RIMS2: variants seen among roughly 807,000 people sequenced by gnomAD.
The protein encoded by RIMS2 is regulating synaptic membrane exocytosis protein 2.
Under a neutral mutation model 174.4 loss-of-function variants are expected in RIMS2, and 59 were observed. That is an observed-to-expected ratio of 0.34 (90% CI 0.27 to 0.42). The LOEUF (loss-of-function observed/expected upper bound fraction) is 0.42, where lower values mean the gene tolerates loss of function less well. RIMS2 is among the 10% of genes least tolerant of loss of function. RIMS2 has a pLI of 1.00. For missense variants in RIMS2, 1,620 were observed against 1,666.3 expected, an observed-to-expected ratio of 0.97 and a Z score of 0.48; for synonymous variants, 606 against 572.5, an observed-to-expected ratio of 1.06 and a Z score of -0.84.
chr8:104,078,561 G>A (rs557630926), intron 19 of RIMS2, among the ~76,000 whole-genome samples: 3 of 152,146 alleles, frequency 2.0e-5, no homozygotes. Context: ...CTCTTGAAAA[G>A]CTCTAGCGTC....
intron 19 of RIMS2, among the ~76,000 whole-genome samples, chr8:104,177,434 G>A (rs1373683697): frequency 1.3e-5 from 2 of 152,020 alleles, no homozygotes; most frequent in Non-Finnish European, 2.9e-5. Context: ...ACTGAACTGA[G>A]CTGACTGCTT....
intron 19 of RIMS2, among the ~76,000 whole-genome samples, chr8:104,120,625 C>T (rs1216452758): frequency 6.6e-6 from 1 of 152,036 alleles, no homozygotes; most frequent in Non-Finnish European, 1.5e-5. Context: ...TTATAATACA[C>T]AGTGTATGAT....
intron 19 of RIMS2, among the ~76,000 whole-genome samples, chr8:104,168,253 G>A (rs1025615261): frequency 2.0e-5 from 3 of 152,052 alleles, no homozygotes; most frequent in African/African-American, 7.2e-5. Flanking sequence ...ATTGCTTTGG[G>A]CAGTATGGTC....
intron 19 of RIMS2, among the ~76,000 whole-genome samples, chr8:104,181,499 G>A (rs1272720989): frequency 6.6e-6 from 1 of 151,434 alleles, no homozygotes; most frequent in East Asian, 1.9e-4. Context: ...TTCATATTAT[G>A]TATCCCAAAC....
At chr8:103,972,657 G>T (rs186283075) in intron 15 of RIMS2, among the ~76,000 whole-genome samples, 1 of 152,062 alleles carries the variant, frequency 6.6e-6, no homozygotes, top group African/African-American at 2.4e-5. Flanking sequence ...CATGTGAGAC[G>T]CACTGCTACC....
intron 19 of RIMS2, among the ~76,000 whole-genome samples, chr8:104,084,394 C>T (rs912241245): frequency 2.4e-4 from 35 of 143,716 alleles, no homozygotes; most frequent in African/African-American, 9.1e-4. Flanking sequence ...GTCGAGATCG[C>T]GCCACTGCAC....
At chr8:103,667,420 C>A (rs532606030) in intron 1 of RIMS2, among the ~76,000 whole-genome samples, 1 of 152,126 alleles carries the variant, frequency 6.6e-6, no homozygotes, top group African/African-American at 2.4e-5. Context: ...AAAAAGAGAC[C>A]GCCCATCTGG....
intron 16 of RIMS2, chr8:103,977,015 T>C (rs1166302121): frequency 6.6e-6 from 1 of 152,196 alleles, no homozygotes; most frequent in African/African-American, 2.4e-5. Flanking sequence ...TTGTACATAC[T>C]TGGAATGTTT....
chr8:103,958,131 A>G (rs530144551), intron 14 of RIMS2, among the ~76,000 whole-genome samples: 1 of 152,350 alleles, frequency 6.6e-6, no homozygotes, highest in East Asian at 1.9e-4. Context: ...TATTCGCAAT[A>G]GCAAAGACAT....
intron 19 of RIMS2, among the ~76,000 whole-genome samples, chr8:104,171,257 C>G (rs2098830482): frequency 6.6e-6 from 1 of 152,110 alleles, no homozygotes; most frequent in African/African-American, 2.4e-5. Flanking sequence ...GACTTCATTT[C>G]TCCCTCAGGA....
intron 1 of RIMS2, among the ~76,000 whole-genome samples, chr8:103,547,796 A>C (rs1845797008): frequency 6.6e-6 from 1 of 152,198 alleles, no homozygotes; most frequent in Non-Finnish European, 1.5e-5. Flanking sequence ...GAGAACATCC[A>C]AATAAACACA....
chr8:103,604,114 G>C (rs909994354), intron 1 of RIMS2, among the ~76,000 whole-genome samples: 28 of 148,680 alleles, frequency 1.9e-4, no homozygotes, highest in South Asian at 6.3e-4. Flanking sequence ...TTTTCTTCTA[G>C]GGTTTTTCTG....
intron 3 of RIMS2, among the ~76,000 whole-genome samples, chr8:103,870,349 TCACCACCACCACCATCACCAC>T (rs1031751357): frequency 6.6e-6 from 1 of 150,854 alleles, no homozygotes; most frequent in Non-Finnish European, 1.5e-5. Flanking sequence ...ACCACTCTTA[TCACCACCACCACCATCACCAC>T]CACCACCACC....
intron 17 of RIMS2, among the ~76,000 whole-genome samples, chr8:104,004,462 G>C (rs1361037684): frequency 1.4e-4 from 21 of 152,256 alleles, no homozygotes; most frequent in Non-Finnish European, 1.5e-4. Context: ...GATATGTCAA[G>C]TGAGGTGTCA....
intron 3 of RIMS2, among the ~76,000 whole-genome samples, chr8:103,768,100 TAC>T (rs1161958428): frequency 1.3e-5 from 2 of 152,170 alleles, no homozygotes; most frequent in African/African-American, 4.8e-5. Context: ...TAGTATCTGC[TAC>T]ACAGTGACTT....
exon 4 of RIMS2, chr8:103,885,879 G>T: frequency 6.2e-7 from 1 of 1,612,860 alleles, no homozygotes; most frequent in Non-Finnish European, 8.5e-7. Flanking sequence ...TATGCACAAA[G>T]GACCACAAAC....
chr8:103,523,108 ATG>A (rs1832500412), intron 1 of RIMS2, among the ~76,000 whole-genome samples: 2 of 150,834 alleles, frequency 1.3e-5, no homozygotes, highest in African/African-American at 4.9e-5. Flanking sequence ...GTGTGTGTGC[ATG>A]TGTGTGTGCA....
chr8:103,568,811 A>G, intron 1 of RIMS2: 1 of 1,137,292 alleles, frequency 8.8e-7, no homozygotes, highest in Admixed American at 1.7e-5. Context: ...TCAGTGCTAT[A>G]AGAAGCTGAG....
chr8:103,898,889 A>T (rs1411712793), intron 4 of RIMS2, among the ~76,000 whole-genome samples: 1 of 150,558 alleles, frequency 6.6e-6, no homozygotes, highest in Admixed American at 6.6e-5. Context: ...CCACCCCACA[A>T]CAGGCCCCAG....
Sources: gnomAD v4.1 joint callset for allele counts (sites outside exome capture counted in the v4.1 genomes callset) on GRCh38, gnomAD v4.1.1 for gene constraint, MANE v1.5 for transcripts, NCBI Gene and HGNC (gene_info 2026-07-23, HGNC 2026-07-21) for gene names.